Variants in PTPRD observed in about 807,000 individuals in gnomAD.
The protein encoded by PTPRD is receptor-type tyrosine-protein phosphatase delta.
Under a neutral mutation model 214.5 loss-of-function variants are expected in PTPRD, and 34 were observed. The ratio of observed to expected loss-of-function variants is 0.16; its 90% confidence interval spans 0.12 to 0.21. The LOEUF (loss-of-function observed/expected upper bound fraction) is 0.21. Ranked by LOEUF, PTPRD falls within the 10% of genes least tolerant of loss-of-function variation. The pLI is 1.00. For synonymous variants in PTPRD, 1,128 were observed against 845.7 expected (o/e 1.33, Z -5.79); for missense variants, 2,545 against 2,398.7 (o/e 1.06, Z -1.27).
intron 12 of PTPRD, among the ~76,000 whole-genome samples, chr9:8,679,035 A>G (rs995690332): frequency 6.6e-6 from 1 of 152,194 alleles, no homozygotes; most frequent in African/African-American, 2.4e-5. Context: ...TAAACAGATG[A>G]CCCTGTTCGA....
At chr9:9,892,889 TG>T (rs1341163172) in intron 5 of PTPRD, among the ~76,000 whole-genome samples, 3 of 152,098 alleles carry the variant, frequency 2.0e-5, no homozygotes, top group Non-Finnish European at 4.4e-5. Flanking sequence ...GAGTCAAGGA[TG>T]ACTCAAAGGT....
intron 9 of PTPRD, among the ~76,000 whole-genome samples, chr9:9,306,709 C>T (rs1569567233): frequency 6.6e-6 from 1 of 151,812 alleles, no homozygotes; most frequent in East Asian, 1.9e-4. Context: ...CTATTGAATG[C>T]ATTCTTGGTC....
intron 3 of PTPRD, among the ~76,000 whole-genome samples, chr9:10,253,682 T>A (rs1469023922): frequency 6.6e-6 from 1 of 152,208 alleles, no homozygotes; most frequent in Admixed American, 6.5e-5. Context: ...GGCATTTGCT[T>A]GGGTAGTATC....
At chr9:9,223,944 G>A (rs1184116558) in intron 9 of PTPRD, among the ~76,000 whole-genome samples, 1 of 151,960 alleles carries the variant, frequency 6.6e-6, no homozygotes, top group Non-Finnish European at 1.5e-5. Flanking sequence ...GAATTCAGAA[G>A]ACCATGTTTA....
chr9:8,565,235 C>T (rs2088496350), intron 14 of PTPRD, among the ~76,000 whole-genome samples: 1 of 152,184 alleles, frequency 6.6e-6, no homozygotes, highest in South Asian at 2.1e-4. Context: ...GGAGTTTACA[C>T]TGCCAGATAT....
At chr9:8,986,099 T>A (rs2099343975) in intron 11 of PTPRD, among the ~76,000 whole-genome samples, 2 of 152,082 alleles carry the variant, frequency 1.3e-5, no homozygotes, top group Non-Finnish European at 2.9e-5. Context: ...ATGCATGGAT[T>A]AGTGTGCAGT....
chr9:8,633,540 C>A (rs754936605), intron 13 of PTPRD, 82 bp from the exon 14 acceptor site: 59 of 1,484,346 alleles, frequency 4.0e-5, no homozygotes, highest in South Asian at 2.0e-4. Flanking sequence ...AGTGGTGGAT[C>A]CGCCATTAGG....
At chr9:8,620,996 A>T (rs1366681052) in intron 14 of PTPRD, among the ~76,000 whole-genome samples, 1 of 152,062 alleles carries the variant, frequency 6.6e-6, no homozygotes, top group Non-Finnish European at 1.5e-5. Context: ...TTAAAGGACT[A>T]CTTTATGAAA....
chr9:9,834,674 A>G (rs1481296918), intron 5 of PTPRD, among the ~76,000 whole-genome samples: 1 of 152,082 alleles, frequency 6.6e-6, no homozygotes, highest in Non-Finnish European at 1.5e-5. Flanking sequence ...GTTAATAAAA[A>G]TTAATTGCAT....
intron 39 of PTPRD, among the ~76,000 whole-genome samples, chr9:8,346,075 C>G (rs528936603): frequency 4.6e-5 from 7 of 152,170 alleles, no homozygotes; most frequent in African/African-American, 1.7e-4. Flanking sequence ...TAATCAGTAT[C>G]TTCTCCTTTC....
chr9:9,122,545 A>C (rs1469918890), intron 10 of PTPRD, among the ~76,000 whole-genome samples: 1 of 152,122 alleles, frequency 6.6e-6, no homozygotes, highest in African/African-American at 2.4e-5. Flanking sequence ...ACTCCTCTTC[A>C]TTCCTAACAT....
chr9:9,462,820 A>C (rs1237943838), intron 8 of PTPRD, among the ~76,000 whole-genome samples: 2 of 152,112 alleles, frequency 1.3e-5, no homozygotes, highest in African/African-American at 4.8e-5. Flanking sequence ...GGGATCTATA[A>C]ATTCTCCTCC....
At chr9:8,480,721 G>A (rs1454588750) in intron 30 of PTPRD, among the ~76,000 whole-genome samples, 1 of 152,104 alleles carries the variant, frequency 6.6e-6, no homozygotes, top group Non-Finnish European at 1.5e-5. Context: ...TCCTTTATCT[G>A]TCAAGATCAA....
intron 12 of PTPRD, among the ~76,000 whole-genome samples, chr9:8,689,109 G>A (rs1050474207): frequency 6.6e-6 from 1 of 151,928 alleles, no homozygotes; most frequent in Non-Finnish European, 1.5e-5. Context: ...AATCAGGCTG[G>A]GCAATCACTA....
intron 2 of PTPRD, among the ~76,000 whole-genome samples, chr9:10,375,680 A>G (rs1163657273): frequency 1.3e-5 from 2 of 151,978 alleles, no homozygotes; most frequent in African/African-American, 4.8e-5. Context: ...CCAATGAATA[A>G]TTCTGCTTTG....
intron 33 of PTPRD, among the ~76,000 whole-genome samples, chr9:8,451,701 A>T (rs140349337): frequency 6.6e-6 from 1 of 152,318 alleles, no homozygotes; most frequent in Non-Finnish European, 1.5e-5. Flanking sequence ...CTCACTTCAA[A>T]TAATACCAAT....
intron 3 of PTPRD, among the ~76,000 whole-genome samples, chr9:10,254,033 G>A (rs1018874431): frequency 6.6e-5 from 10 of 152,062 alleles, no homozygotes; most frequent in Admixed American, 2.0e-4. Context: ...ACATTTCCCC[G>A]TAATCTTAAA....
chr9:10,050,854 T>C lies in PTPRD; in HGVS notation c.-544-17064A>G, dbSNP rs1479026851. On this transcript the variant is annotated intron_variant, in intron 3 of 45. Transcript: ENST00000381196. The stretch of plus-strand genomic sequence containing the variant: ...CTCCATACATACTGGACTCCAAAAA[T>C]TAATTCTCTATCTAACTATCTATTA... Among the ~76,000 whole-genome samples, 4 of 152,186 alleles carry C rather than the reference T, an allele frequency of 2.6e-5. No individual in the cohort carries two copies. In the East Asian group the frequency reaches 5.8e-4, roughly 22 times the overall value.
At chr9:9,371,950 T>C (rs2059625202) in intron 9 of PTPRD, among the ~76,000 whole-genome samples, 1 of 152,330 alleles carries the variant, frequency 6.6e-6, no homozygotes, top group East Asian at 1.9e-4. Flanking sequence ...TCCTGAGTTC[T>C]AGTTTGATTG....
Sources: gnomAD v4.1 joint callset for allele counts (sites outside exome capture counted in the v4.1 genomes callset) on GRCh38, gnomAD v4.1.1 for gene constraint, MANE v1.5 for transcripts, NCBI Gene and HGNC (gene_info 2026-07-23, HGNC 2026-07-21) for gene names.